The following ANKRD36 variants were observed in gnomAD, a reference collection of about 807,000 sequenced individuals.
ANKRD36 encodes ankyrin repeat domain-containing protein 36A.
ANKRD36 carries 179 observed loss-of-function variants against 278.1 expected under a neutral mutation model. The observed-to-expected ratio is 0.64, with a 90% confidence interval of 0.57 to 0.73. The LOEUF (loss-of-function observed/expected upper bound fraction) is 0.73. Ranked by LOEUF, ANKRD36 falls within the 30% of genes least tolerant of loss-of-function variation. The pLI, the probability that ANKRD36 is intolerant of heterozygous loss-of-function variation, is 0.00. For missense variants in ANKRD36, 1,159 were observed against 1,956.7 expected, an observed-to-expected ratio of 0.59 and a Z score of 7.69; for synonymous variants, 320 against 641.1, an observed-to-expected ratio of 0.50 and a Z score of 7.57.
At chr2:97,210,550 A>G (rs896082814) in intron 56 of ANKRD36, among the ~76,000 whole-genome samples, 6 of 151,826 alleles carry the variant, frequency 4.0e-5, no homozygotes, top group African/African-American at 1.4e-4. Context: ...GGCGTCAGAG[A>G]TACATGTTTT....
chr2:97,206,879 C>T (rs1362935248), intron 52 of ANKRD36, among the ~76,000 whole-genome samples: 1 of 151,354 alleles, frequency 6.6e-6, no homozygotes, highest in East Asian at 1.9e-4. Flanking sequence ...CATTGGTTTC[C>T]TTGTTCAAGG....
intron 1 of ANKRD36, among the ~76,000 whole-genome samples, chr2:97,115,643 A>G (rs2035093526): frequency 1.5e-4 from 1 of 6,698 alleles, no homozygotes; most frequent in Admixed American, 2.1e-3. Context: ...GGAATGAAAT[A>G]CTATTTTCTA....
intron 6 of ANKRD36, among the ~76,000 whole-genome samples, chr2:97,127,546 A>T (rs1304289421): frequency 2.0e-5 from 3 of 151,950 alleles, no homozygotes; most frequent in Non-Finnish European, 4.4e-5. Context: ...CTTGAACAAC[A>T]TGGGATTTAG....
At chr2:97,203,747 A>C (rs1194256715) in intron 48 of ANKRD36, among the ~76,000 whole-genome samples, 1 of 151,834 alleles carries the variant, frequency 6.6e-6, no homozygotes, top group Non-Finnish European at 1.5e-5. Flanking sequence ...TCTGACGTGT[A>C]TGAGTTGCTC....
rs1471149594 is a variant in ANKRD36 at position 97,206,063 on chromosome 2, G to C, written c.3091G>C (p.Ala1031Pro). ...VSSQKPPTLKATSDEEDSVLS... is the reference protein window; with the variant it reads ...VSSQKPPTLKPTSDEEDSVLS... The stretch of plus-strand genomic sequence containing the variant: ...TTATTTTGTTTCAAATTCCATTCAG[G>C]CTACAAGTGATGAGGAAGATTCTGT... Residue 1031 changes from alanine (A) to proline (P), a missense_variant and splice_region_variant, in exon 52 of 76, where the codon GCT (alanine) becomes CCT (proline). By Grantham distance (27) the Ala-to-Pro change is conservative. Coordinates refer to ENST00000420699, the MANE Select transcript of ANKRD36 (RefSeq NM_001354587.1). 1.9e-6 allele frequency: 3 copies of C among 1,550,584 alleles called. No individual in the cohort carries two copies. The highest frequency in any genetic ancestry group is 2.6e-6 in the Non-Finnish European group (3 of 1,149,364).
At chr2:97,219,708 C>T (rs1340571816) in intron 66 of ANKRD36, among the ~76,000 whole-genome samples, 9 of 136,608 alleles carry the variant, frequency 6.6e-5, no homozygotes, top group South Asian at 3.1e-4. Flanking sequence ...CTTGAGCTCT[C>T]GACCTCAGGT....
chr2:97,229,929 T>G lies in ANKRD36; in HGVS notation c.3952-3801T>G, dbSNP rs554157586. ...TTTGGCAGGATATGAAATTCTGGGT[T>G]GAAAATTCTTTTCTTTAAGAATGTT... is the stretch of plus-strand genomic sequence containing the variant. On this transcript the variant is annotated intron_variant, in intron 67 of 75. Coordinates refer to ENST00000420699, the MANE Select transcript of ANKRD36 (RefSeq NM_001354587.1). 9.1e-4 allele frequency among the ~76,000 whole-genome samples: 138 copies of G among 152,180 alleles called. No homozygotes were observed. The East Asian group carries it at 0.011, about 13-fold the overall frequency.
At chr2:97,211,884 G>C in intron 58 of ANKRD36, 143 bp downstream of exon 58, 2 of 1,146,648 alleles carry the variant, frequency 1.7e-6, no homozygotes, top group Non-Finnish European at 2.4e-6. Context: ...ATAAGTTCTC[G>C]GGTGACCCTG....
chr2:97,260,347 GATATATAT>G lies in ANKRD36; in HGVS notation c.*7-3956_*7-3949del, dbSNP rs71218080. ...GTCAATGAGCAGTAATATTTTAAAAGATATATATATATATATATATATATATATATATA... is the reference window on the plus strand; with the variant it reads ...GTCAATGAGCAGTAATATTTTAAAAGATATATATATATATATATATATATA... On this transcript the variant is annotated intron_variant, in intron 75 of 75. Transcript: ENST00000420699. Among the ~76,000 whole-genome samples, 122 of 117,632 alleles carry G rather than the reference GATATATAT, an allele frequency of 1.0e-3. 1 individual carries two copies. Among genetic ancestry groups the G allele is most frequent in the Admixed American group, 1.4e-3 (14 of 10,092 alleles). 77.2% of individuals were successfully genotyped at this position (117,632 alleles called of 152,430 possible). A position where few individuals can be genotyped will look rare whatever the true frequency, so the allele number is the denominator to read the frequency against.
At chr2:97,187,118 T>C in intron 30 of ANKRD36, 80 bp from the exon 31 acceptor site, 1 of 1,589,304 alleles carries the variant, frequency 6.3e-7, no homozygotes, top group South Asian at 1.1e-5. Flanking sequence ...CGGATACAGC[T>C]TGATGCTAAC....
At chr2:97,221,083 C>T (rs1407673249) in intron 66 of ANKRD36, among the ~76,000 whole-genome samples, 1 of 132,316 alleles carries the variant, frequency 7.6e-6, no homozygotes, top group African/African-American at 3.5e-5. Flanking sequence ...CAATTTCATC[C>T]ATGTCCCTAC....
At chr2:97,124,299 A>G (rs976111392) in intron 4 of ANKRD36, among the ~76,000 whole-genome samples, 161 bp from the exon 5 acceptor site, 1 of 151,950 alleles carries the variant, frequency 6.6e-6, no homozygotes, top group Non-Finnish European at 1.5e-5. Context: ...CCTTTGTGGT[A>G]ACTTGCAAAG....
rs1490484740 is a variant in ANKRD36 at position 97,210,300 on chromosome 2, T to G, written c.3367+428T>G. ...GTAGGAGAACTAAGGAGACCCCTGG[T>G]GTAGCAACTATTTTCCTAAGGAAGA... On this transcript the variant is annotated intron_variant, in intron 56 of 75. Transcript: ENST00000420699. Among the ~76,000 whole-genome samples the G allele has an allele frequency of 3.9e-5, 6 of 151,926 alleles. No homozygotes were observed. In the South Asian group the frequency reaches 1.3e-3, roughly 32 times the overall value.
intron 48 of ANKRD36, among the ~76,000 whole-genome samples, chr2:97,202,610 G>A (rs2061696404): frequency 6.6e-6 from 1 of 151,828 alleles, no homozygotes; most frequent in Non-Finnish European, 1.5e-5. Flanking sequence ...TTGAAGTTGG[G>A]AAGAATATAC....
Position 97,208,018 on chromosome 2 carries a change from A to G in ANKRD36, c.3265+12A>G. ...AAAAACTAAGAGAGGTAATTTTGAA[A>G]AGAGATTTAATGTCATGTTCAGTGC... On this transcript the variant is annotated intron_variant, in intron 54 of 75. Coordinates refer to ENST00000420699, the MANE Select transcript of ANKRD36 (RefSeq NM_001354587.1). 1 of 1,511,170 alleles carries G rather than the reference A, an allele frequency of 6.6e-7. No individual in the cohort carries two copies. The highest frequency in any genetic ancestry group is 8.9e-7 in the Non-Finnish European group (1 of 1,124,236). 93.6% of individuals were successfully genotyped at this position (1,511,170 alleles called of 1,614,324 possible). A position where few individuals can be genotyped will look rare whatever the true frequency, so the allele number is the denominator to read the frequency against.
chr2:97,153,420 A>G (rs2046616419), intron 14 of ANKRD36, among the ~76,000 whole-genome samples: 1 of 152,286 alleles, frequency 6.6e-6, no homozygotes, highest in African/African-American at 2.4e-5. Flanking sequence ...CTATAGACAA[A>G]ATCAGAGGTG....
intron 44 of ANKRD36, among the ~76,000 whole-genome samples, chr2:97,199,928 T>A (rs1375142978): frequency 6.6e-6 from 1 of 151,890 alleles, no homozygotes; most frequent in East Asian, 1.9e-4. Context: ...GTTTGCAGTA[T>A]AATGGTGTAA....
chr2:97,196,644 T>A (rs1431117865), intron 41 of ANKRD36, 23 bp downstream of exon 41: 3 of 1,603,276 alleles, frequency 1.9e-6, no homozygotes, highest in Non-Finnish European at 2.5e-6. Flanking sequence ...CCATTTATCA[T>A]GTGAACGAGT....
chr2:97,200,851 G>A (rs1402642804), intron 46 of ANKRD36, among the ~76,000 whole-genome samples: 2 of 152,026 alleles, frequency 1.3e-5, no homozygotes, highest in Non-Finnish European at 2.9e-5. Context: ...AAGAGAGGAA[G>A]TACAGATTTT....
Sources: gnomAD v4.1 joint callset for allele counts (sites outside exome capture counted in the v4.1 genomes callset) on GRCh38, gnomAD v4.1.1 for gene constraint, MANE v1.5 for transcripts, NCBI Gene and HGNC (gene_info 2026-07-23, HGNC 2026-07-21) for gene names.